Variants in MIPOL1 observed in about 807,000 individuals in gnomAD.
The protein encoded by MIPOL1 is mirror-image polydactyly gene 1 protein.
A neutral mutation model predicts 60.9 loss-of-function variants in MIPOL1; 57 were observed. The observed-to-expected ratio is 0.94, with a 90% CI of 0.76 to 1.17. The LOEUF is 1.17. MIPOL1 is among the 50% of genes most tolerant of loss of function. The probability of loss-of-function intolerance (pLI) is 0.00; values close to 1 mark genes in which losing one functional copy is unlikely to be tolerated. For missense variants in MIPOL1, 551 were observed against 511.6 expected (o/e 1.08, Z -0.74); for synonymous variants, 179 against 168.8 (o/e 1.06, Z -0.47).
At chr14:37,321,231 T>C (rs899001514) in intron 9 of MIPOL1, among the ~76,000 whole-genome samples, 3 of 152,060 alleles carry the variant, frequency 2.0e-5, no homozygotes, top group African/African-American at 4.8e-5. Flanking sequence ...TTTCTTTATA[T>C]ACTGCTTTGC....
chr14:37,497,032 A>T (rs552686189), intron 11 of MIPOL1, among the ~76,000 whole-genome samples: 1 of 152,028 alleles, frequency 6.6e-6, no homozygotes, highest in African/African-American at 2.4e-5. Flanking sequence ...TGAGAAAAAC[A>T]GGCAATGGGG....
At chr14:37,515,950 G>A (rs2095366065) in intron 12 of MIPOL1, among the ~76,000 whole-genome samples, 1 of 152,146 alleles carries the variant, frequency 6.6e-6, no homozygotes. Context: ...GAAACCATGA[G>A]GAGAAGAGAA....
intron 3 of MIPOL1, among the ~76,000 whole-genome samples, chr14:37,252,132 A>G (rs1974212588): frequency 6.6e-6 from 1 of 151,660 alleles, no homozygotes; most frequent in South Asian, 2.1e-4. Context: ...AGTTTGTTCA[A>G]TATTGTTTTT....
At chr14:37,453,986 T>G (rs148196230) in intron 11 of MIPOL1, among the ~76,000 whole-genome samples, 1 of 152,220 alleles carries the variant, frequency 6.6e-6, no homozygotes, top group African/African-American at 2.4e-5. Context: ...GCGATTTAAA[T>G]AATCTGGTCA....
At chr14:37,448,529 G>A (rs905380780) in intron 11 of MIPOL1, among the ~76,000 whole-genome samples, 1 of 152,036 alleles carries the variant, frequency 6.6e-6, no homozygotes, top group Non-Finnish European at 1.5e-5. Context: ...TTTTCTTCTT[G>A]AAGGATTGTT....
chr14:37,495,441 C>T (rs2095110192), intron 11 of MIPOL1, among the ~76,000 whole-genome samples: 1 of 150,480 alleles, frequency 6.6e-6, no homozygotes, highest in East Asian at 2.0e-4. Flanking sequence ...TCATCCATGT[C>T]CCTACAAAGG....
At chr14:37,526,143 A>C (rs1208026762) in intron 12 of MIPOL1, among the ~76,000 whole-genome samples, 1 of 152,086 alleles carries the variant, frequency 6.6e-6, no homozygotes, top group African/African-American at 2.4e-5. Context: ...TAATTTGACT[A>C]AATATTAGTC....
intron 7 of MIPOL1, among the ~76,000 whole-genome samples, chr14:37,286,429 C>T (rs1470668346): frequency 1.3e-5 from 2 of 152,166 alleles, no homozygotes; most frequent in Non-Finnish European, 2.9e-5. Context: ...CCAGATGTTA[C>T]ACATGATGCT....
intron 3 of MIPOL1, among the ~76,000 whole-genome samples, chr14:37,249,416 G>T (rs1254073565): frequency 6.6e-6 from 1 of 151,978 alleles, no homozygotes; most frequent in Admixed American, 6.6e-5. Flanking sequence ...GTTATAGAAA[G>T]ATCTGAGTGC....
At chr14:37,316,306 C>T (rs1220022331) in intron 9 of MIPOL1, among the ~76,000 whole-genome samples, 1 of 152,080 alleles carries the variant, frequency 6.6e-6, no homozygotes, top group East Asian at 1.9e-4. Context: ...GCTGGGATTA[C>T]AGGTGTGAGC....
At chr14:37,222,025 G>T (rs1968864273) in intron 1 of MIPOL1, among the ~76,000 whole-genome samples, 1 of 152,074 alleles carries the variant, frequency 6.6e-6, no homozygotes, top group South Asian at 2.1e-4. Flanking sequence ...ATCAGATACA[G>T]TTGAAACTCA....
intron 9 of MIPOL1, among the ~76,000 whole-genome samples, chr14:37,357,706 A>C (rs1315264005): frequency 1.3e-5 from 2 of 151,796 alleles, no homozygotes; most frequent in African/African-American, 4.8e-5. Flanking sequence ...CCCATTCTGT[A>C]GGTTGTCTCT....
At chr14:37,444,261 T>C (rs2094297282) in intron 11 of MIPOL1, among the ~76,000 whole-genome samples, 1 of 152,194 alleles carries the variant, frequency 6.6e-6, no homozygotes, top group Non-Finnish European at 1.5e-5. Flanking sequence ...TACATATTGA[T>C]CTGAATTAAC....
At chr14:37,524,735 T>A (rs2095436689) in intron 12 of MIPOL1, among the ~76,000 whole-genome samples, 1 of 150,842 alleles carries the variant, frequency 6.6e-6, no homozygotes, top group Non-Finnish European at 1.5e-5. Flanking sequence ...CCTGGCTAAT[T>A]TTTTTTGTAT....
chr14:37,495,021 A>C (rs550507708), intron 11 of MIPOL1, among the ~76,000 whole-genome samples: 1 of 152,138 alleles, frequency 6.6e-6, no homozygotes, highest in African/African-American at 2.4e-5. Context: ...GAAAGTGAGG[A>C]GTGATTAGGA....
rs186205961 is a variant in MIPOL1 at position 37,278,278 on chromosome 14, A to G, written c.494-7040A>G. The G allele has an allele frequency of 4.0e-5, 6 of 151,834 alleles. No individual in the cohort carries two copies. In the South Asian group the frequency reaches 6.2e-4, roughly 16 times the overall value. The allele number at this position is 151,834 out of a possible 1,614,324, so 9.4% of individuals were successfully genotyped here. A position where few individuals can be genotyped will look rare whatever the true frequency, so the allele number is the denominator to read the frequency against. ...TTTTAAAATTTCCAATAGCCAGTTT[A>G]TGCAAAGAAGGAAAAATTACAATTA... On this transcript the variant is annotated intron_variant, in intron 6 of 12. Coordinates refer to ENST00000684589, the MANE Select transcript of MIPOL1 (RefSeq NM_001388067.1).
rs534871605 is a variant in MIPOL1, at chr14:37,348,729, A to T, written c.829-20788A>T. Among the ~76,000 whole-genome samples, 13 of 151,706 alleles carry T rather than the reference A, an allele frequency of 8.6e-5. No homozygotes were observed. The East Asian group carries it at 2.1e-3, about 25-fold the overall frequency. ...CTACCATCCTAGTCTGAACCATCTC[A>T]TCTCTCTCCTGGATTAACTACTCAA... On this transcript the variant is annotated intron_variant, in intron 9 of 12. Transcript: ENST00000684589.
chr14:37,205,027 G>A (rs1027738203), intron 1 of MIPOL1, among the ~76,000 whole-genome samples: 1 of 152,122 alleles, frequency 6.6e-6, no homozygotes, highest in Admixed American at 6.5e-5. Flanking sequence ...GAGACTGGCG[G>A]CATTTTGCTC....
rs147610749 is a variant in MIPOL1, at chr14:37,341,061, T to C, written c.829-28456T>C. Reference sequence around the variant, plus strand: ...TATAGCCTAGATGTGCAGTAGGCTATACCATCTAGGTTTGTATAAGTACAT... The same window carrying C: ...TATAGCCTAGATGTGCAGTAGGCTACACCATCTAGGTTTGTATAAGTACAT... On this transcript the variant is annotated intron_variant, in intron 9 of 12. Transcript: ENST00000684589. 5.1e-3 allele frequency among the ~76,000 whole-genome samples: 775 copies of C among 152,330 alleles called. 5 individuals are homozygous for C. Among genetic ancestry groups the C allele is most frequent in the African/African-American group, 0.017 (726 of 41,578 alleles).
Sources: allele counts gnomAD v4.1 joint callset (sites outside exome capture counted in the v4.1 genomes callset), GRCh38; gene constraint gnomAD v4.1.1; transcripts MANE v1.5; gene names NCBI Gene and HGNC (gene_info 2026-07-23, HGNC 2026-07-21).